CERKL: variants seen among roughly 807,000 people sequenced by gnomAD.
CERKL encodes ceramide kinase-like protein.
A neutral mutation model predicts 63.4 loss-of-function variants in CERKL; 61 were observed. The ratio of observed to expected loss-of-function variants is 0.96; its 90% CI spans 0.78 to 1.19. The LOEUF is 1.19. Among genes scored for constraint, CERKL ranks in the 50% most tolerant of loss-of-function variants. The pLI is 0.00. For synonymous variants in CERKL, 250 were observed against 230.5 expected, an observed-to-expected ratio of 1.08 and a Z score of -0.77; for missense variants, 675 against 655.5, an observed-to-expected ratio of 1.03 and a Z score of -0.33.
chr2:181,598,182 C>A (rs1212897108), intron 2 of CERKL, among the ~76,000 whole-genome samples: 6 of 152,106 alleles, frequency 3.9e-5, no homozygotes, highest in Non-Finnish European at 8.8e-5. Flanking sequence ...AAGGGTGGGG[C>A]CCAACTCCCC....
chr2:181,654,131 A>T (rs1345126129), intron 1 of CERKL, among the ~76,000 whole-genome samples: 1 of 151,994 alleles, frequency 6.6e-6, no homozygotes, highest in Non-Finnish European at 1.5e-5. Flanking sequence ...GCATAACTTT[A>T]TATCACACAT....
chr2:181,575,586 T>G (rs1170780892), intron 2 of CERKL, among the ~76,000 whole-genome samples: 1 of 152,166 alleles, frequency 6.6e-6, no homozygotes, highest in African/African-American at 2.4e-5. Context: ...GCAGGGTTTT[T>G]GGCTTGTGCT....
chr2:181,619,356 A>G (rs577611712), intron 1 of CERKL, among the ~76,000 whole-genome samples: 5 of 151,722 alleles, frequency 3.3e-5, no homozygotes, highest in African/African-American at 4.8e-5. Context: ...CAGTTCAGCT[A>G]CACAGATCAG....
chr2:181,611,121 G>A (rs1004784594), intron 1 of CERKL, among the ~76,000 whole-genome samples: 1 of 152,084 alleles, frequency 6.6e-6, no homozygotes, highest in South Asian at 2.1e-4. Context: ...TACTCAGGAG[G>A]TGGAGGCAGG....
intron 1 of CERKL, among the ~76,000 whole-genome samples, chr2:181,633,105 C>T (rs1290579866): frequency 1.3e-5 from 2 of 152,192 alleles, no homozygotes; most frequent in African/African-American, 4.8e-5. Flanking sequence ...AGTCACCCTG[C>T]CACCTCTGGC....
chr2:181,657,045 G>A lies in CERKL; in HGVS notation c.-39C>T, dbSNP rs781352603. ...GCTGGGCCCGAGCCAGGGGTCCGGG[G>A]AGGCCTTTGGAGAAGGAGGTGGAGG... On this transcript the variant is annotated 5_prime_UTR_variant, in exon 1 of 13. Coordinates refer to ENST00000410087, the MANE Select transcript of CERKL (RefSeq NM_201548.5). The A allele has an allele frequency of 3.3e-6, 5 of 1,530,948 alleles. No individual in the cohort carries two copies. The highest frequency in any genetic ancestry group is 1.9e-5 in the Admixed American group (1 of 53,096). 94.8% of individuals were successfully genotyped at this position (1,530,948 alleles called of 1,614,324 possible).
At chr2:181,602,061 G>T (rs1330543074) in intron 2 of CERKL, among the ~76,000 whole-genome samples, 1 of 152,106 alleles carries the variant, frequency 6.6e-6, no homozygotes, top group African/African-American at 2.4e-5. Context: ...ATAAATATTT[G>T]GACATTGTTT....
intron 4 of CERKL, among the ~76,000 whole-genome samples, chr2:181,560,110 C>T (rs948081469): frequency 2.6e-5 from 4 of 152,076 alleles, no homozygotes; most frequent in Non-Finnish European, 4.4e-5. Context: ...ACAGTCCCAT[C>T]TTTATGAATG....
intron 1 of CERKL, among the ~76,000 whole-genome samples, chr2:181,604,676 A>C (rs1349105035): frequency 1.3e-5 from 2 of 152,212 alleles, no homozygotes; most frequent in African/African-American, 4.8e-5. Context: ...AAAAAATAGA[A>C]TTCACTAACA....
At chr2:181,547,973 T>C in intron 8 of CERKL, 126 bp from the exon 9 acceptor site, 1 of 902,244 alleles carries the variant, frequency 1.1e-6, no homozygotes, top group East Asian at 2.6e-5. Flanking sequence ...AAATACTTTC[T>C]TCAATTAGAT....
At chr2:181,618,519 G>C (rs552996962) in intron 1 of CERKL, among the ~76,000 whole-genome samples, 53 of 152,034 alleles carry the variant, frequency 3.5e-4, no homozygotes, top group Admixed American at 4.6e-4. Context: ...CTGGGTTCAA[G>C]TGATTCTCGT....
At chr2:181,544,027 A>G (rs1687622758) in intron 11 of CERKL, among the ~76,000 whole-genome samples, 1 of 151,748 alleles carries the variant, frequency 6.6e-6, no homozygotes, top group Admixed American at 6.6e-5. Flanking sequence ...GTGTGAAACT[A>G]TAGGGTTTTA....
At chr2:181,554,359 C>A (rs1315010707) in intron 5 of CERKL, among the ~76,000 whole-genome samples, 2 of 152,092 alleles carry the variant, frequency 1.3e-5, no homozygotes, top group Non-Finnish European at 2.9e-5. Flanking sequence ...CACTTTGGTT[C>A]TTTGCCTGAA....
At chr2:181,619,588 C>A (rs1686360535) in intron 1 of CERKL, among the ~76,000 whole-genome samples, 1 of 152,194 alleles carries the variant, frequency 6.6e-6, no homozygotes, top group Non-Finnish European at 1.5e-5. Flanking sequence ...ACTGTATTTA[C>A]TATCAATCAG....
At chr2:181,601,669 A>C (rs1685463521) in intron 2 of CERKL, among the ~76,000 whole-genome samples, 1 of 152,222 alleles carries the variant, frequency 6.6e-6, no homozygotes, top group Admixed American at 6.5e-5. Flanking sequence ...GATAGCCAAG[A>C]ACTGTCTTTG....
At chr2:181,627,208 A>C (rs1686746230) in intron 1 of CERKL, among the ~76,000 whole-genome samples, 1 of 152,192 alleles carries the variant, frequency 6.6e-6, no homozygotes, top group African/African-American at 2.4e-5. Context: ...AATGGAAACT[A>C]ACCGTCACGT....
At position 181,537,501 on chromosome 2, in the gene CERKL, G is replaced by A. The variant is rs1687206365; in HGVS notation, c.*683C>T. On this transcript the variant is annotated 3_prime_UTR_variant, in exon 13 of 13. Transcript: ENST00000410087. ...GGGATGGGTTATTCTTTTTTGGCAG[G>A]TAGGCTATATAACTATGTGATTTTG... 2.2e-6 allele frequency: 1 copy of A among 453,400 alleles called. No individual in the cohort carries two copies. The highest frequency in any genetic ancestry group is 2.0e-5 in the African/African-American group (1 of 49,954). 28.1% of individuals were successfully genotyped at this position (453,400 alleles called of 1,614,324 possible).
chr2:181,653,123 A>G (rs1032983386), intron 1 of CERKL, among the ~76,000 whole-genome samples: 3 of 152,244 alleles, frequency 2.0e-5, no homozygotes, highest in African/African-American at 7.2e-5. Flanking sequence ...GTCTCAAAAG[A>G]AGACATATAA....
chr2:181,602,848 A>G (rs1227118554), intron 2 of CERKL, among the ~76,000 whole-genome samples: 2 of 152,228 alleles, frequency 1.3e-5, no homozygotes, highest in African/African-American at 2.4e-5. Flanking sequence ...GCAGCAAACA[A>G]GAAGAAATGA....
Sources: allele counts gnomAD v4.1 joint callset (sites outside exome capture counted in the v4.1 genomes callset), GRCh38; gene constraint gnomAD v4.1.1; transcripts MANE v1.5; gene names NCBI Gene and HGNC (gene_info 2026-07-23, HGNC 2026-07-21).